The following CSMD1 variants were observed in gnomAD, a reference collection of about 807,000 sequenced individuals.
The protein encoded by CSMD1 is CUB and Sushi multiple domains 1.
In CSMD1, 213 loss-of-function variants were observed where a neutral mutation model predicts 417.5. The ratio of observed to expected loss-of-function variants is 0.51; its 90% CI spans 0.46 to 0.57. CSMD1 has a LOEUF of 0.57. CSMD1 is among the 20% of genes least tolerant of loss of function. CSMD1 has a pLI of 0.00. For missense variants in CSMD1, 6,923 were observed against 4,529.7 expected, an observed-to-expected ratio of 1.53 and a Z score of -15.17; for synonymous variants, 2,862 against 1,736.8, an observed-to-expected ratio of 1.65 and a Z score of -16.11.
At chr8:4,257,006 G>A (rs1429865183) in intron 3 of CSMD1, among the ~76,000 whole-genome samples, 1 of 152,146 alleles carries the variant, frequency 6.6e-6, no homozygotes, top group East Asian at 1.9e-4. Context: ...ACTTCCAAAT[G>A]ATGCAAGCTA....
At chr8:3,415,303 A>G (rs1400036470) in intron 12 of CSMD1, among the ~76,000 whole-genome samples, 4 of 152,152 alleles carry the variant, frequency 2.6e-5, no homozygotes, top group Admixed American at 2.6e-4. Flanking sequence ...AATATAATAC[A>G]TTATTATTAA....
At chr8:2,939,775 T>C (rs1801736000) in intron 69 of CSMD1, among the ~76,000 whole-genome samples, 1 of 152,212 alleles carries the variant, frequency 6.6e-6, no homozygotes, top group Non-Finnish European at 1.5e-5. Context: ...TGACTGCCCT[T>C]GGAGTGGGAG....
chr8:3,166,007 G>C (rs1820185696), intron 37 of CSMD1, among the ~76,000 whole-genome samples: 1 of 151,998 alleles, frequency 6.6e-6, no homozygotes, highest in South Asian at 2.1e-4. Context: ...TTTTGGTACA[G>C]AAAAAATTAG....
intron 23 of CSMD1, among the ~76,000 whole-genome samples, chr8:3,326,620 T>A (rs1173389155): frequency 6.6e-6 from 1 of 152,244 alleles, no homozygotes; most frequent in Non-Finnish European, 1.5e-5. Context: ...AATTGTATGT[T>A]TGCATTCCCA....
chr8:4,188,680 A>T (rs73512839), intron 3 of CSMD1, among the ~76,000 whole-genome samples: 3 of 152,128 alleles, frequency 2.0e-5, no homozygotes, highest in Admixed American at 2.0e-4. Flanking sequence ...CTAGTCTTTT[A>T]ACCTTTATAA....
chr8:3,553,203 C>T (rs1298351858), intron 10 of CSMD1, among the ~76,000 whole-genome samples: 1 of 152,002 alleles, frequency 6.6e-6, no homozygotes. Context: ...TGTAATATCA[C>T]TTCATGGATT....
chr8:4,087,967 A>G (rs1280852258), intron 3 of CSMD1, among the ~76,000 whole-genome samples: 1 of 152,138 alleles, frequency 6.6e-6, no homozygotes, highest in Non-Finnish European at 1.5e-5. Flanking sequence ...GGTATCCAAG[A>G]GAAAAGCTCA....
intron 5 of CSMD1, among the ~76,000 whole-genome samples, chr8:3,851,009 T>C (rs1803868784): frequency 6.6e-6 from 1 of 152,244 alleles, no homozygotes; most frequent in Non-Finnish European, 1.5e-5. Flanking sequence ...TAAATATCTA[T>C]GTGTTTTTCC....
At chr8:4,902,875 A>C (rs1251003533) in intron 1 of CSMD1, among the ~76,000 whole-genome samples, 1 of 151,778 alleles carries the variant, frequency 6.6e-6, no homozygotes, top group Non-Finnish European at 1.5e-5. Flanking sequence ...TTCTATACAT[A>C]CATATGTACT....
rs1331221804 is a variant in CSMD1 at position 3,717,179 on chromosome 8, AT to A, written c.932-8689del. Among the ~76,000 whole-genome samples, 5 of 152,226 alleles carry A rather than the reference AT, an allele frequency of 3.3e-5. No homozygotes were observed. The South Asian group carries it at 8.3e-4, about 25-fold the overall frequency. On this transcript the variant is annotated intron_variant, in intron 6 of 69. Transcript: ENST00000635120. ...TTTTATTTTCGTCGATAATTATTAC[AT>A]TTTTTCATTGATAATTATTACATTT... is the stretch of plus-strand genomic sequence containing the variant.
chr8:3,060,448 C>G (rs1173522740), intron 49 of CSMD1, among the ~76,000 whole-genome samples: 1 of 152,166 alleles, frequency 6.6e-6, no homozygotes, highest in Non-Finnish European at 1.5e-5. Context: ...CTTCGTCTCA[C>G]AAAGTGCTGG....
intron 23 of CSMD1, among the ~76,000 whole-genome samples, chr8:3,338,480 C>T (rs1240629637): frequency 6.6e-6 from 1 of 152,146 alleles, no homozygotes; most frequent in South Asian, 2.1e-4. Flanking sequence ...CAGGATCCCC[C>T]AAAAATGAAA....
At chr8:3,278,400 T>G (rs1018480659) in intron 26 of CSMD1, 3 of 152,212 alleles carry the variant, frequency 2.0e-5, no homozygotes, top group African/African-American at 7.2e-5. Context: ...CCTCTAATGC[T>G]TATTTCACAT....
At chr8:3,459,342 C>A (rs1239556572) in intron 12 of CSMD1, among the ~76,000 whole-genome samples, 9 of 152,150 alleles carry the variant, frequency 5.9e-5, no homozygotes, top group African/African-American at 2.2e-4. Context: ...ACAGGGTACA[C>A]AACACAGCGG....
At chr8:4,007,685 T>C (rs1490641551) in intron 4 of CSMD1, among the ~76,000 whole-genome samples, 1 of 128,606 alleles carries the variant, frequency 7.8e-6, no homozygotes, top group Non-Finnish European at 1.9e-5. Flanking sequence ...CCTCTTTTTT[T>C]TTTTCATGCA....
chr8:3,986,194 C>T (rs531807729), intron 5 of CSMD1, among the ~76,000 whole-genome samples: 113 of 152,268 alleles, frequency 7.4e-4, no homozygotes, highest in African/African-American at 2.6e-3. Context: ...TAAGCTGCCC[C>T]TCGGTCCTGA....
chr8:4,571,101 A>G (rs1001746540), intron 2 of CSMD1, among the ~76,000 whole-genome samples: 1 of 152,002 alleles, frequency 6.6e-6, no homozygotes, highest in African/African-American at 2.4e-5. Context: ...CAGCTCCTGG[A>G]TTCACTGAGG....
intron 33 of CSMD1, among the ~76,000 whole-genome samples, chr8:3,194,172 T>C (rs964194641): frequency 6.6e-6 from 1 of 152,188 alleles, no homozygotes; most frequent in African/African-American, 2.4e-5. Context: ...ATATGCTTTT[T>C]ATAGGCTCTT....
chr8:3,699,218 A>G (rs1224095613), intron 7 of CSMD1, among the ~76,000 whole-genome samples: 1 of 152,252 alleles, frequency 6.6e-6, no homozygotes, highest in East Asian at 1.9e-4. Flanking sequence ...CACACAATGT[A>G]GACTGACAAT....
Sources: allele counts gnomAD v4.1 joint callset (sites outside exome capture counted in the v4.1 genomes callset), GRCh38; gene constraint gnomAD v4.1.1; transcripts MANE v1.5; gene names NCBI Gene and HGNC (gene_info 2026-07-23, HGNC 2026-07-21).